Variants in PSME4 observed in about 807,000 individuals in gnomAD.
The protein encoded by PSME4 is proteasome activator subunit 4.
A neutral mutation model predicts 253.9 loss-of-function variants in PSME4; 89 were observed. The ratio of observed to expected loss-of-function variants is 0.35; its 90% CI spans 0.30 to 0.42. The LOEUF (loss-of-function observed/expected upper bound fraction) is 0.42. Ranked by LOEUF, PSME4 falls within the 10% of genes least tolerant of loss-of-function variation. PSME4 has a pLI of 1.00. For synonymous variants in PSME4, 851 were observed against 759.2 expected (o/e 1.12, Z -1.99); for missense variants, 2,014 against 2,195.2 (o/e 0.92, Z 1.65).
intron 3 of PSME4, among the ~76,000 whole-genome samples, chr2:53,940,999 A>ATATATATG: frequency 1.0e-5 from 1 of 96,496 alleles, no homozygotes; most frequent in African/African-American, 3.4e-5. Context: ...ATATATATAT[A>ATATATATG]TGAAAGGAGT....
intron 3 of PSME4, among the ~76,000 whole-genome samples, chr2:53,940,672 GT>G (rs1558412951): frequency 1.3e-5 from 2 of 150,858 alleles, no homozygotes. Context: ...GTTTAAACAC[GT>G]GACCAGAATG....
intron 10 of PSME4, among the ~76,000 whole-genome samples, chr2:53,929,278 T>C (rs571977835): frequency 6.6e-6 from 1 of 152,240 alleles, no homozygotes; most frequent in East Asian, 1.9e-4. Flanking sequence ...ACAGATACTC[T>C]ACTCTTTCTT....
chr2:53,908,672 A>G, intron 22 of PSME4, 107 bp from the exon 23 acceptor site: 1 of 1,444,988 alleles, frequency 6.9e-7, no homozygotes, highest in Admixed American at 2.2e-5. Context: ...ACTGCCCAAT[A>G]TTCTCACCAT....
intron 32 of PSME4, 150 bp downstream of exon 32, chr2:53,896,654 A>G (rs1680150284): frequency 1.7e-6 from 1 of 590,794 alleles, no homozygotes; most frequent in Non-Finnish European, 3.0e-6. Flanking sequence ...AGCTTTTACT[A>G]AGTCAACTGT....
At chr2:53,937,879 G>A (rs1322857779) in intron 4 of PSME4, among the ~76,000 whole-genome samples, 2 of 151,998 alleles carry the variant, frequency 1.3e-5, no homozygotes, top group Non-Finnish European at 2.9e-5. Context: ...TGTAGTCCCA[G>A]CTACTCAGAA....
chr2:53,936,895 G>A (rs1366399342), intron 5 of PSME4, 68 bp from the exon 6 acceptor site: 3 of 1,071,662 alleles, frequency 2.8e-6, no homozygotes, highest in African/African-American at 3.3e-5. Flanking sequence ...GCTATGCTTT[G>A]TCTTTTTTAT....
At chr2:53,938,474 CTT>C (rs772903727) in intron 4 of PSME4, among the ~76,000 whole-genome samples, 82 of 132,676 alleles carry the variant, frequency 6.2e-4, no homozygotes, top group Non-Finnish European at 6.9e-4. Flanking sequence ...CCTTAATGGG[CTT>C]TTTTTTTTTT....
intron 1 of PSME4, among the ~76,000 whole-genome samples, chr2:53,951,322 C>A (rs770772457): frequency 5.3e-5 from 8 of 152,152 alleles, no homozygotes; most frequent in Non-Finnish European, 1.0e-4. Context: ...ACCTTGAGAT[C>A]CCCCCTGCCT....
intron 1 of PSME4, among the ~76,000 whole-genome samples, chr2:53,955,705 C>G (rs1410899742): frequency 2.0e-5 from 3 of 152,006 alleles, no homozygotes; most frequent in African/African-American, 4.8e-5. Context: ...GCAGACTGCT[C>G]GAGTCCAGGA....
chr2:53,927,114 A>T (rs1383588621), intron 12 of PSME4, among the ~76,000 whole-genome samples: 1 of 152,210 alleles, frequency 6.6e-6, no homozygotes, highest in Non-Finnish European at 1.5e-5. Context: ...ATAAAATATC[A>T]CCATCTTTTG....
chr2:53,889,154 T>C (rs1679776554), intron 37 of PSME4, among the ~76,000 whole-genome samples: 1 of 152,212 alleles, frequency 6.6e-6, no homozygotes, highest in African/African-American at 2.4e-5. Context: ...TGAGAGCTAG[T>C]GCACCCAGCC....
rs750550695 is a variant in PSME4, at chr2:53,906,787, G to A, written c.2847+19C>T. The A allele has an allele frequency of 8.1e-6, 13 of 1,609,570 alleles. No homozygotes were observed. The highest frequency in any genetic ancestry group is 1.6e-4 in the Middle Eastern group (1 of 6,062). On this transcript the variant is annotated intron_variant, in intron 25 of 46. Coordinates refer to ENST00000404125, the MANE Select transcript of PSME4 (RefSeq NM_014614.3). ...AATTGACATTTTAAAAAGTCACTAT[G>A]ACTGAAAAACATATTTACCTCATGC...
At chr2:53,891,028 AAAAAC>A (rs1228717204) in intron 36 of PSME4, among the ~76,000 whole-genome samples, 2 of 152,160 alleles carry the variant, frequency 1.3e-5, no homozygotes, top group African/African-American at 2.4e-5. Flanking sequence ...CTCCGTCTAA[AAAAAC>A]AAAACAAAAC....
intron 3 of PSME4, among the ~76,000 whole-genome samples, chr2:53,940,952 CAT>C (rs1169212491): frequency 2.1e-3 from 50 of 24,006 alleles, no homozygotes; most frequent in African/African-American, 5.5e-3. Flanking sequence ...TATATATATA[CAT>C]ATATATATAT....
rs780012226 is a variant in PSME4 at position 53,936,860 on chromosome 2, G to C, written c.696-33C>G. Reference sequence around the variant, plus strand: ...AGAAAAATGTTGTTATGAATAGCAAGTGATTTTAAAGTGGTTCAATGCCAG... The same window carrying C: ...AGAAAAATGTTGTTATGAATAGCAACTGATTTTAAAGTGGTTCAATGCCAG... On this transcript the variant is annotated intron_variant, in intron 5 of 46. Transcript: ENST00000404125. The C allele has an allele frequency of 1.8e-5, 27 of 1,489,646 alleles. No homozygotes were observed. The East Asian group carries it at 5.5e-4, about 30-fold the overall frequency. The allele number at this position is 1,489,646 out of a possible 1,614,324, so 92.3% of individuals were successfully genotyped here.
rs1679841103 is a variant in PSME4, at chr2:53,890,200, C to A, written c.4200G>T (p.Lys1400Asn). 3 of 1,611,216 alleles carry A rather than the reference C, an allele frequency of 1.9e-6. No homozygotes were observed. Among genetic ancestry groups the A allele is most frequent in the Non-Finnish European group, 2.5e-6 (3 of 1,178,990 alleles). The stretch of plus-strand genomic sequence containing the variant: ...GCAGAGGGCACAGAAGCTCCCAAAG[C>A]TTCTCCACCTACTCAAAACAAAATA... ...SKHWTFEKVEKLWELLCPLLR... is the reference protein window; with the variant it reads ...SKHWTFEKVENLWELLCPLLR... Residue 1400 changes from lysine to asparagine, a missense_variant, in exon 37 of 47, where the codon AAG becomes AAT. Transcript: ENST00000404125.
intron 22 of PSME4, 67 bp from the exon 23 acceptor site, chr2:53,908,632 T>A (rs920651057): frequency 1.3e-6 from 2 of 1,522,248 alleles, no homozygotes; most frequent in Non-Finnish European, 1.8e-6. Context: ...TCTTGAGGCA[T>A]TAGTCAAGAA....
chr2:53,879,557 CAT>C (rs1025742749), intron 41 of PSME4, among the ~76,000 whole-genome samples: 8 of 152,064 alleles, frequency 5.3e-5, no homozygotes, highest in African/African-American at 1.2e-4. Context: ...AGAGTTTTCA[CAT>C]GAGAGGTAAA....
intron 20 of PSME4, among the ~76,000 whole-genome samples, chr2:53,918,333 A>G (rs1055986354): frequency 7.2e-5 from 11 of 152,232 alleles, no homozygotes; most frequent in Admixed American, 2.6e-4. Context: ...ATTAATATAT[A>G]CTGCTGATTT....
Sources: allele counts gnomAD v4.1 joint callset (sites outside exome capture counted in the v4.1 genomes callset), GRCh38; gene constraint gnomAD v4.1.1; transcripts MANE v1.5; gene names NCBI Gene and HGNC (gene_info 2026-07-23, HGNC 2026-07-21).